The following EMID1 variants were observed in gnomAD, a reference collection of about 807,000 sequenced individuals.
EMID1 encodes the protein EMI domain-containing protein 1.
In EMID1, 40 loss-of-function variants were observed where a neutral mutation model predicts 60.6. The observed-to-expected ratio is 0.66, with a 90% confidence interval of 0.51 to 0.86. The LOEUF is 0.86. Among genes scored for constraint, EMID1 ranks in the 40% least tolerant of loss-of-function variants. EMID1 has a pLI of 0.00. For synonymous variants in EMID1, 242 were observed against 231.0 expected, an observed-to-expected ratio of 1.05 and a Z score of -0.43; for missense variants, 585 against 597.1, an observed-to-expected ratio of 0.98 and a Z score of 0.21.
chr22:29,215,093 G>A, intron 2 of EMID1, 54 bp downstream of exon 2: 2 of 1,489,190 alleles, frequency 1.3e-6, no homozygotes, highest in Non-Finnish European at 1.8e-6. Context: ...CACAGTTTGG[G>A]CAAAGGCCTG....
At chr22:29,206,866 A>G (rs953272925) in intron 1 of EMID1, among the ~76,000 whole-genome samples, 2 of 152,242 alleles carry the variant, frequency 1.3e-5, no homozygotes, top group African/African-American at 4.8e-5. Context: ...GGGAATTGGC[A>G]TCATCTTTTA....
intron 5 of EMID1, among the ~76,000 whole-genome samples, chr22:29,230,451 G>A (rs1001876280): frequency 1.3e-5 from 2 of 152,210 alleles, no homozygotes; most frequent in Non-Finnish European, 2.9e-5. Flanking sequence ...AAAGCACATG[G>A]CCCAGCAAGC....
At chr22:29,251,769 A>G (rs1476071625) in intron 13 of EMID1, among the ~76,000 whole-genome samples, 1 of 151,784 alleles carries the variant, frequency 6.6e-6, no homozygotes, top group Non-Finnish European at 1.5e-5. Flanking sequence ...GGTTCAAGTG[A>G]TTATCCTGCC....
chr22:29,235,889 A>T (rs2040933585), intron 12 of EMID1, among the ~76,000 whole-genome samples: 1 of 146,106 alleles, frequency 6.8e-6, no homozygotes, highest in Admixed American at 7.4e-5. Context: ...TCCCTGGCTC[A>T]GGCAATCCTC....
intron 1 of EMID1, among the ~76,000 whole-genome samples, chr22:29,206,531 G>GTCCC (rs1368633902): frequency 6.6e-6 from 1 of 152,086 alleles, no homozygotes; most frequent in Non-Finnish European, 1.5e-5. Flanking sequence ...TTTTTGCTTT[G>GTCCC]TTTTGTTTTT....
intron 1 of EMID1, among the ~76,000 whole-genome samples, chr22:29,208,486 G>A (rs1043268759): frequency 2.0e-5 from 3 of 152,190 alleles, no homozygotes; most frequent in Non-Finnish European, 2.9e-5. Context: ...TCATCTCAGC[G>A]TTTCAGCTGA....
At chr22:29,231,921 TG>T in intron 7 of EMID1, 1 of 561,560 alleles carries the variant, frequency 1.8e-6, no homozygotes, top group South Asian at 2.5e-5. Context: ...GGGCACTGGG[TG>T]GGGTCAGACA....
At chr22:29,238,424 T>C (rs5763080) in intron 12 of EMID1, among the ~76,000 whole-genome samples, 21,697 of 140,332 alleles carry the variant, frequency 0.15, 4,009 homozygotes, top group East Asian at 0.27. Flanking sequence ...GCTAATTTTT[T>C]TTTCTGTTTT....
In EMID1 at chr22:29,259,188, C is replaced by T; in HGVS notation, c.*244C>T. The T allele has an allele frequency of 5.2e-6, 3 of 572,828 alleles. No individual in the cohort carries two copies. Among genetic ancestry groups the T allele is most frequent in the Non-Finnish European group, 8.9e-6 (3 of 338,756 alleles). 35.5% of individuals were successfully genotyped at this position (572,828 alleles called of 1,614,324 possible). Reference sequence around the variant, plus strand: ...TGTGAAGTGGGGGGAGGCAGGCCTTCAAGGAGGGATAGAGGTACAAGGCTT... The same window carrying T: ...TGTGAAGTGGGGGGAGGCAGGCCTTTAAGGAGGGATAGAGGTACAAGGCTT... On this transcript the variant is annotated 3_prime_UTR_variant, in exon 15 of 15. Transcript: ENST00000334018.
chr22:29,229,852 T>C (rs1601962340), intron 5 of EMID1, among the ~76,000 whole-genome samples: 1 of 152,090 alleles, frequency 6.6e-6, no homozygotes, highest in East Asian at 1.9e-4. Context: ...AGTTTCAGCT[T>C]TTCTCTGGAC....
At chr22:29,224,203 C>T (rs145000914) in intron 3 of EMID1, among the ~76,000 whole-genome samples, 2 of 152,210 alleles carry the variant, frequency 1.3e-5, no homozygotes, top group African/African-American at 4.8e-5. Flanking sequence ...TTTGAGTTCC[C>T]GGCGCCTCTC....
chr22:29,225,073 A>AG, intron 3 of EMID1, 60 bp from the exon 4 acceptor site: 13 of 1,540,174 alleles, frequency 8.4e-6, no homozygotes, highest in South Asian at 3.4e-5. Flanking sequence ...AGTGGTGGGC[A>AG]GGGGGGCCTG....
intron 3 of EMID1, among the ~76,000 whole-genome samples, chr22:29,224,449 C>A (rs542642898): frequency 6.6e-6 from 1 of 152,134 alleles, no homozygotes; most frequent in African/African-American, 2.4e-5. Context: ...CCAGCCAGGG[C>A]GGCTGGGGAG....
chr22:29,227,721 A>C (rs1189176089), intron 5 of EMID1, among the ~76,000 whole-genome samples: 2 of 151,370 alleles, frequency 1.3e-5, no homozygotes, highest in South Asian at 2.1e-4. Flanking sequence ...AAAAAAAAAA[A>C]AAAAAACAAA....
At chr22:29,227,186 G>C (rs1337280853) in intron 5 of EMID1, among the ~76,000 whole-genome samples, 2 of 152,042 alleles carry the variant, frequency 1.3e-5, no homozygotes, top group Non-Finnish European at 2.9e-5. Flanking sequence ...TGCCTCCTGG[G>C]CTCAAATGAT....
chr22:29,225,241 G>C (rs555055272), intron 4 of EMID1, 25 bp downstream of exon 4: 2 of 1,611,618 alleles, frequency 1.2e-6, no homozygotes, highest in East Asian at 2.2e-5. Context: ...AGCTTCTTGA[G>C]GTCCCCCTGG....
intron 13 of EMID1, among the ~76,000 whole-genome samples, chr22:29,245,146 C>T (rs2041286575): frequency 1.3e-5 from 2 of 152,146 alleles, no homozygotes. Flanking sequence ...CCTCTCCTGG[C>T]CCCTGCTGTC....
chr22:29,207,329 C>T (rs1007477154), intron 1 of EMID1, among the ~76,000 whole-genome samples: 10 of 152,214 alleles, frequency 6.6e-5, no homozygotes, highest in African/African-American at 2.4e-4. Context: ...GGCTCCGTTA[C>T]CTGCATTCAT....
chr22:29,243,059 C>T (rs1017761096), intron 12 of EMID1, among the ~76,000 whole-genome samples: 5 of 152,162 alleles, frequency 3.3e-5, no homozygotes, highest in African/African-American at 1.2e-4. Context: ...CCCTGCTTCC[C>T]AGTATTTCTC....
Sources: gnomAD v4.1 joint callset for allele counts (sites outside exome capture counted in the v4.1 genomes callset) on GRCh38, gnomAD v4.1.1 for gene constraint, MANE v1.5 for transcripts, NCBI Gene and HGNC (gene_info 2026-07-23, HGNC 2026-07-21) for gene names.